The following TBCK variants were observed in gnomAD, a reference collection of about 807,000 sequenced individuals.
TBCK encodes TBC1 domain containing kinase.
TBCK carries 99 observed loss-of-function variants against 113.4 expected under a neutral mutation model. The observed-to-expected ratio is 0.87, with a 90% CI of 0.74 to 1.03. The LOEUF is 1.03. Among genes scored for constraint, TBCK ranks in the 50% least tolerant of loss-of-function variants. The pLI, the probability that TBCK is intolerant of heterozygous loss-of-function variation, is 0.00. For missense variants in TBCK, 1,045 were observed against 1,061.3 expected (o/e 0.98, Z 0.21); for synonymous variants, 369 against 370.8 (o/e 1.00, Z 0.05).
Position 106,230,395 on chromosome 4 carries a change from A to T in TBCK, c.1742T>A (p.Phe581Tyr). 1 of 1,603,032 alleles carries T rather than the reference A, an allele frequency of 6.2e-7. No individual in the cohort carries two copies. Among genetic ancestry groups the T allele is most frequent in the East Asian group, 2.2e-5 (1 of 44,654 alleles). The change falls in exon 19 of 26, where the codon TTC becomes TAC. Residue 581 changes from phenylalanine to tyrosine, a missense_variant. Physicochemically the swap from Phe to Tyr is conservative, Grantham distance 22. Transcript: ENST00000394708. ...SAFIPKYLYNFFLKDNSHVIQ... is the reference protein window; with the variant it reads ...SAFIPKYLYNYFLKDNSHVIQ... The stretch of plus-strand genomic sequence containing the variant: ...TACATGTGAGTTGTCTTTTAAGAAG[A>T]AGTTATACAGGTATTTGGGAATAAA...
intron 1 of TBCK, among the ~76,000 whole-genome samples, chr4:106,311,200 TACAC>T (rs36011277): frequency 0.39 from 54,352 of 137,972 alleles, 10,329 homozygotes; most frequent in Middle Eastern, 0.43. Context: ...CAGAAACTCC[TACAC>T]ACACACACAC....
At position 106,064,744 on chromosome 4, in the gene TBCK, T is replaced by C. The variant is rs184727701; in HGVS notation, c.2572-18064A>G. ...ACATACCAATAAGACATTTACACTT[T>C]TTCTTAAAACTAAAGTTATAAAAAC... On this transcript the variant is annotated intron_variant, in intron 25 of 25. Coordinates refer to ENST00000394708, the MANE Select transcript of TBCK (RefSeq NM_001163435.3). Among the ~76,000 whole-genome samples, 18 of 152,166 alleles carry C rather than the reference T, an allele frequency of 1.2e-4. No homozygotes were observed. The East Asian group carries it at 3.5e-3, about 29-fold the overall frequency.
At position 106,116,324 on chromosome 4, in the gene TBCK, A is replaced by G. The variant is rs755496714; in HGVS notation, c.2290T>C (p.Ser764Pro). The change falls in exon 24 of 26, where the codon TCA becomes CCA. Residue 764 changes from serine (S) to proline (P), a missense_variant. Physicochemically the swap from Ser to Pro is moderately conservative, Grantham distance 74. Transcript: ENST00000394708. The stretch of plus-strand genomic sequence containing the variant: ...CACAAGTCAATCAGGTCCTCTGCTG[A>G]AATCCGTGGTGATACTTCTGACTTC... ...DLKSEVSPRI[S>P]AEDLIDLCEL... The G allele has an allele frequency of 6.2e-7, 1 of 1,614,004 alleles. No homozygotes were observed. Among genetic ancestry groups the G allele is most frequent in the Admixed American group, 1.7e-5 (1 of 60,004 alleles).
At position 106,262,112 on chromosome 4, in the gene TBCK, G is replaced by C. The variant is rs1013224771; in HGVS notation, c.367C>G (p.Leu123Val). ...VHRALSPHNI[L>V]LDRKGHIKLA... ...TTAACAATTACCTTTCGGTCCAACAGGATATTATGAGGAGACAATGCCCTG... is the reference window on the plus strand; with the variant it reads ...TTAACAATTACCTTTCGGTCCAACACGATATTATGAGGAGACAATGCCCTG... The change falls in exon 4 of 26, where the codon CTG becomes GTG. Residue 123 changes from leucine to valine, a missense_variant. Leu to Val is a conservative substitution (Grantham distance 32). Coordinates refer to ENST00000394708, the MANE Select transcript of TBCK (RefSeq NM_001163435.3). 4 of 1,531,818 alleles carry C rather than the reference G, an allele frequency of 2.6e-6. No homozygotes were observed. In the African/African-American group the frequency reaches 5.5e-5, roughly 21 times the overall value. 94.9% of individuals were successfully genotyped at this position (1,531,818 alleles called of 1,614,324 possible).
Position 106,042,938 on chromosome 4 carries a change from G to A in TBCK, c.*3632C>T, listed in dbSNP as rs1197191789. ...CTAATTTGGCGGGAAGTTATGTCTT[G>A]TCATTTCATGGAGCGGAGTTCCTTG... On this transcript the variant is annotated 3_prime_UTR_variant, in exon 26 of 26. Coordinates refer to ENST00000394708, the MANE Select transcript of TBCK (RefSeq NM_001163435.3). 1.3e-5 allele frequency: 2 copies of A among 152,062 alleles called. No homozygotes were observed. The highest frequency in any genetic ancestry group is 1.3e-4 in the Admixed American group (2 of 15,266). The allele number at this position is 152,062 out of a possible 1,614,324, so 9.4% of individuals were successfully genotyped here. A position where few individuals can be genotyped will look rare whatever the true frequency, so the allele number is the denominator to read the frequency against.
chr4:106,149,463 A>G (rs1748223012), intron 23 of TBCK, among the ~76,000 whole-genome samples: 1 of 152,234 alleles, frequency 6.6e-6, no homozygotes, highest in African/African-American at 2.4e-5. Context: ...TTATAGGGCT[A>G]CTAATTGATC....
chr4:106,212,231 A>G (rs935226362), intron 20 of TBCK, among the ~76,000 whole-genome samples: 1 of 152,168 alleles, frequency 6.6e-6, no homozygotes. Context: ...ATGTTTATTC[A>G]ACAGCCTTTA....
In TBCK at chr4:106,120,125, G is replaced by A. The variant is rs991481906; in HGVS notation, c.2236-3747C>T. Among the ~76,000 whole-genome samples the A allele has an allele frequency of 9.8e-5, 15 of 152,318 alleles. 1 individual carries two copies. In the South Asian group the frequency reaches 1.2e-3, roughly 13 times the overall value. ...TGGGTGCGCGCACCGTGCGCGAGCCGAAGCAGGGCAAGGCATTGCCTCACT... is the reference window on the plus strand; with the variant it reads ...TGGGTGCGCGCACCGTGCGCGAGCCAAAGCAGGGCAAGGCATTGCCTCACT... On this transcript the variant is annotated intron_variant, in intron 23 of 25. Transcript: ENST00000394708.
chr4:106,138,931 G>A (rs1039580577), intron 23 of TBCK, among the ~76,000 whole-genome samples: 1 of 141,102 alleles, frequency 7.1e-6, no homozygotes, highest in African/African-American at 2.5e-5. Context: ...TCAGTGAGTA[G>A]AGTCAGCTGG....
intron 4 of TBCK, among the ~76,000 whole-genome samples, chr4:106,260,801 T>C (rs191249863): frequency 4.1e-4 from 62 of 152,126 alleles, no homozygotes; most frequent in Non-Finnish European, 7.7e-4. Context: ...ATTGTCTAGT[T>C]ATTTCACAAA....
intron 23 of TBCK, among the ~76,000 whole-genome samples, chr4:106,132,209 A>C (rs1746027723): frequency 6.6e-6 from 1 of 152,232 alleles, no homozygotes; most frequent in South Asian, 2.1e-4. Context: ...ATGGCAGCCC[A>C]TCCTATCACA....
At chr4:106,079,662 T>C (rs1376969257) in intron 25 of TBCK, among the ~76,000 whole-genome samples, 1 of 152,152 alleles carries the variant, frequency 6.6e-6, no homozygotes, top group African/African-American at 2.4e-5. Context: ...TTATAGACAA[T>C]ATAAACAAAT....
chr4:106,316,665 A>G (rs1768922110), upstream of TBCK: 2 of 1,482,246 alleles, frequency 1.3e-6, no homozygotes, highest in Non-Finnish European at 1.8e-6. Flanking sequence ...TCCTTCTCTA[A>G]CTTGCCTCCA....
chr4:106,095,669 T>C, intron 24 of TBCK, 28 bp from the exon 25 acceptor site: 1 of 1,605,798 alleles, frequency 6.2e-7, no homozygotes, highest in Non-Finnish European at 8.5e-7. Flanking sequence ...AGGAAAACAT[T>C]TATTTGTGTG....
intron 22 of TBCK, among the ~76,000 whole-genome samples, chr4:106,183,393 C>G (rs963548201): frequency 2.6e-5 from 4 of 151,994 alleles, no homozygotes; most frequent in Non-Finnish European, 5.9e-5. Context: ...AGCCCATCCA[C>G]TTCAGGTTTC....
chr4:106,072,585 C>G (rs1487797865), intron 25 of TBCK, among the ~76,000 whole-genome samples: 1 of 152,120 alleles, frequency 6.6e-6, no homozygotes, highest in African/African-American at 2.4e-5. Context: ...TGGGGTTGCT[C>G]TTCTCAAGGA....
chr4:106,068,151 ATTTTT>A (rs1353605061), intron 25 of TBCK, among the ~76,000 whole-genome samples: 1 of 151,432 alleles, frequency 6.6e-6, no homozygotes, highest in African/African-American at 2.4e-5. Flanking sequence ...TTTTTATTTT[ATTTTT>A]TATTTTTTAT....
chr4:106,097,331 T>G (rs1578882995), intron 24 of TBCK, among the ~76,000 whole-genome samples: 1 of 152,194 alleles, frequency 6.6e-6, no homozygotes, highest in South Asian at 2.1e-4. Context: ...ATTCTTAATC[T>G]ACTTCAACCA....
At chr4:106,255,575 T>C (rs1030771269) in intron 5 of TBCK, among the ~76,000 whole-genome samples, 2 of 152,156 alleles carry the variant, frequency 1.3e-5, no homozygotes, top group African/African-American at 4.8e-5. Context: ...GCCCGGAAAC[T>C]TGGAGATGCC....
Sources: allele counts gnomAD v4.1 joint callset (sites outside exome capture counted in the v4.1 genomes callset), GRCh38; gene constraint gnomAD v4.1.1; transcripts MANE v1.5; gene names NCBI Gene and HGNC (gene_info 2026-07-23, HGNC 2026-07-21).